IQCM: variants seen among roughly 807,000 people sequenced by gnomAD.
IQCM encodes the protein IQ domain-containing protein M.
In IQCM, 45 loss-of-function variants were observed where a neutral mutation model predicts 57.6. The observed-to-expected ratio is 0.78, with a 90% CI of 0.62 to 1.00. The LOEUF is 1.00. Ranked by LOEUF, IQCM falls within the 50% of genes least tolerant of loss-of-function variation. The pLI is 0.00. For synonymous variants in IQCM, 148 were observed against 158.9 expected (o/e 0.93, Z 0.51); for missense variants, 468 against 511.6 (o/e 0.91, Z 0.82).
At chr4:149,751,421 A>G (rs1371492978) in intron 2 of IQCM, among the ~76,000 whole-genome samples, 1 of 152,188 alleles carries the variant, frequency 6.6e-6, no homozygotes, top group East Asian at 1.9e-4. Context: ...AGGCTTAATC[A>G]CTTCCTAATC....
chr4:149,751,042 G>C (rs752671296), intron 2 of IQCM, among the ~76,000 whole-genome samples: 1 of 152,124 alleles, frequency 6.6e-6, no homozygotes, highest in Non-Finnish European at 1.5e-5. Context: ...TGGTTTTGGA[G>C]CGTTTATATG....
intron 13 of IQCM, among the ~76,000 whole-genome samples, chr4:149,380,602 G>C (rs1383360364): frequency 1.3e-5 from 2 of 152,118 alleles, no homozygotes; most frequent in Admixed American, 1.3e-4. Flanking sequence ...TCAATTAGCT[G>C]TTGGTAGCAA....
At chr4:149,592,410 C>A (rs376353372) in intron 8 of IQCM, among the ~76,000 whole-genome samples, 32,142 of 151,644 alleles carry the variant, frequency 0.21, 4,215 homozygotes, top group Non-Finnish European at 0.28. Context: ...TGTAGGTTGT[C>A]TGTTCACTCT....
intron 7 of IQCM, among the ~76,000 whole-genome samples, chr4:149,662,902 C>G (rs1404979882): frequency 1.3e-5 from 2 of 151,922 alleles, no homozygotes; most frequent in Non-Finnish European, 2.9e-5. Flanking sequence ...CATTTACATT[C>G]TACATTATTA....
intron 12 of IQCM, among the ~76,000 whole-genome samples, chr4:149,469,292 G>A (rs4835582): frequency 0.97 from 147,900 of 152,282 alleles, 71,935 homozygotes; most frequent in East Asian, 1. Context: ...ACCTGATGGA[G>A]CTGAAAACCA....
At chr4:149,643,519 G>A (rs1407699444) in intron 7 of IQCM, among the ~76,000 whole-genome samples, 1 of 152,142 alleles carries the variant, frequency 6.6e-6, no homozygotes, top group East Asian at 1.9e-4. Context: ...ACCAGGGAGT[G>A]AAAGAGATTC....
Position 149,416,671 on chromosome 4 carries a change from G to A in IQCM, c.1390+16725C>T, listed in dbSNP as rs564617029. The stretch of plus-strand genomic sequence containing the variant: ...GTTCTTGAGGTAAGAGTTACTTCAT[G>A]AACAGAGAAATGATATAATTTTAGG... On this transcript the variant is annotated intron_variant, in intron 13 of 13. Coordinates refer to ENST00000636793, the MANE Select transcript of IQCM (RefSeq NM_001363507.2). Among the ~76,000 whole-genome samples the A allele has an allele frequency of 1.1e-4, 16 of 152,198 alleles. No homozygotes were observed. The South Asian group carries it at 1.5e-3, about 14-fold the overall frequency.
Position 149,353,355 on chromosome 4 carries a change from A to C in IQCM, c.1391-1289T>G, listed in dbSNP as rs558284409. The stretch of plus-strand genomic sequence containing the variant: ...GGTGGGAATTTAGATTGGTGTAACC[A>C]TTCTAGAAAACAGTATGGAGTTTCC... On this transcript the variant is annotated intron_variant, in intron 13 of 13. Transcript: ENST00000636793. Among the ~76,000 whole-genome samples the C allele has an allele frequency of 3.2e-4, 48 of 152,324 alleles. 1 individual carries two copies. The South Asian group carries it at 9.9e-3, about 32-fold the overall frequency.
At position 149,674,024 on chromosome 4, in the gene IQCM, T is replaced by C. The variant is rs548555566; in HGVS notation, c.565+8094A>G. ...CACTTTCTTGCCAGTTTGGTCAGGT[T>C]TTAAAAATTATTTTTTCATATTTAA... On this transcript the variant is annotated intron_variant, in intron 7 of 13. Transcript: ENST00000636793. Among the ~76,000 whole-genome samples, 3 of 152,266 alleles carry C rather than the reference T, an allele frequency of 2.0e-5. No homozygotes were observed. The East Asian group carries it at 5.8e-4, about 29-fold the overall frequency.
chr4:149,698,914 T>C (rs1278202241), intron 5 of IQCM, among the ~76,000 whole-genome samples: 1 of 152,018 alleles, frequency 6.6e-6, no homozygotes, highest in Non-Finnish European at 1.5e-5. Flanking sequence ...GGATAAAAGA[T>C]TGCCATAAGG....
At chr4:149,604,352 ATG>A (rs1754589878) in intron 8 of IQCM, among the ~76,000 whole-genome samples, 1 of 152,214 alleles carries the variant, frequency 6.6e-6, no homozygotes, top group Non-Finnish European at 1.5e-5. Flanking sequence ...CTGCTGCTGC[ATG>A]TGTTATAAAA....
intron 2 of IQCM, among the ~76,000 whole-genome samples, chr4:149,797,696 A>C (rs531705908): frequency 6.6e-6 from 1 of 152,172 alleles, no homozygotes; most frequent in Non-Finnish European, 1.5e-5. Context: ...AAAGAAACAA[A>C]TAACATATAA....
chr4:149,451,869 G>A (rs999048165), intron 12 of IQCM, among the ~76,000 whole-genome samples: 2 of 151,556 alleles, frequency 1.3e-5, no homozygotes, highest in African/African-American at 4.8e-5. Context: ...TCCACCTAGT[G>A]CCATAAGGCC....
intron 12 of IQCM, among the ~76,000 whole-genome samples, chr4:149,453,265 A>C (rs561560984): frequency 1.3e-5 from 2 of 151,954 alleles, no homozygotes; most frequent in African/African-American, 4.8e-5. Flanking sequence ...AAGGAAAGAC[A>C]GGAGTAAATT....
chr4:149,409,038 T>A (rs1158997209), intron 13 of IQCM, among the ~76,000 whole-genome samples: 1 of 152,158 alleles, frequency 6.6e-6, no homozygotes, highest in Admixed American at 6.6e-5. Flanking sequence ...GATCAACAAC[T>A]CTCCATAACA....
intron 8 of IQCM, among the ~76,000 whole-genome samples, chr4:149,588,475 T>C (rs1296313130): frequency 6.6e-6 from 1 of 151,938 alleles, no homozygotes; most frequent in African/African-American, 2.4e-5. Flanking sequence ...TGGACTGAAC[T>C]GTGCTTCCCC....
chr4:149,459,256 T>C (rs916070505), intron 12 of IQCM, among the ~76,000 whole-genome samples: 2 of 152,246 alleles, frequency 1.3e-5, no homozygotes, highest in African/African-American at 4.8e-5. Flanking sequence ...GGTTATTACA[T>C]TGCCTCCCAT....
intron 13 of IQCM, among the ~76,000 whole-genome samples, chr4:149,365,080 A>G (rs1729741964): frequency 6.6e-6 from 1 of 152,192 alleles, no homozygotes; most frequent in African/African-American, 2.4e-5. Context: ...ACACTTCAGT[A>G]GCAATGAGCA....
chr4:149,512,857 G>C (rs1744567413), intron 12 of IQCM, among the ~76,000 whole-genome samples: 1 of 152,174 alleles, frequency 6.6e-6, no homozygotes, highest in Admixed American at 6.5e-5. Flanking sequence ...CCTACAGTAT[G>C]ATTGCTTGGA....
Sources: allele counts gnomAD v4.1 joint callset (sites outside exome capture counted in the v4.1 genomes callset), GRCh38; gene constraint gnomAD v4.1.1; transcripts MANE v1.5; gene names NCBI Gene and HGNC (gene_info 2026-07-23, HGNC 2026-07-21).